Variants in SCFD2 observed in about 807,000 individuals in gnomAD.
SCFD2 encodes the protein sec1 family domain-containing protein 2.
SCFD2 carries 54 observed loss-of-function variants against 58.9 expected under a neutral mutation model. The ratio of observed to expected loss-of-function variants is 0.92; its 90% confidence interval spans 0.74 to 1.15. SCFD2 has a LOEUF of 1.15. SCFD2 is among the 50% of genes most tolerant of loss of function. The probability of loss-of-function intolerance (pLI) is 0.00; values close to 1 mark genes in which losing one functional copy is unlikely to be tolerated. For missense variants in SCFD2, 805 were observed against 836.6 expected, an observed-to-expected ratio of 0.96 and a Z score of 0.47; for synonymous variants, 321 against 335.9, an observed-to-expected ratio of 0.96 and a Z score of 0.49.
At chr4:52,994,330 T>C (rs1721691407) in intron 5 of SCFD2, among the ~76,000 whole-genome samples, 1 of 152,236 alleles carries the variant, frequency 6.6e-6, no homozygotes, top group Admixed American at 6.5e-5. Context: ...CCTGAAATTA[T>C]GAGCGGGGAA....
At chr4:53,329,774 G>A (rs983094527) in intron 2 of SCFD2, among the ~76,000 whole-genome samples, 9 of 151,542 alleles carry the variant, frequency 5.9e-5, no homozygotes, top group African/African-American at 2.2e-4. Context: ...AGAGAAGAAG[G>A]CTTCAGACGA....
rs779711098 is a variant in SCFD2, at chr4:53,145,493, G to T, written c.1401C>A (p.Ser467Arg). The change falls in exon 5 of 9, where the codon AGC becomes AGA. Residue 467 changes from serine to arginine, a missense_variant. Physicochemically the swap from Ser to Arg is moderately radical, Grantham distance 110 (BLOSUM62 -1). Coordinates refer to ENST00000401642, the MANE Select transcript of SCFD2 (RefSeq NM_152540.4). ...PVTQRTNEDY[S>R]PEELLILLIY... Reference sequence around the variant, plus strand: ...TGAGAAGGATCAGCAGTTCCTCAGGGCTGTAGTCCTCGTTGGTTCTCTGGG... The same window carrying T: ...TGAGAAGGATCAGCAGTTCCTCAGGTCTGTAGTCCTCGTTGGTTCTCTGGG... 2 of 1,614,078 alleles carry T rather than the reference G, an allele frequency of 1.2e-6. No homozygotes were observed. The highest frequency in any genetic ancestry group is 2.2e-5 in the South Asian group (2 of 91,066).
intron 4 of SCFD2, among the ~76,000 whole-genome samples, chr4:53,251,224 A>T (rs1730363461): frequency 6.6e-6 from 1 of 152,214 alleles, no homozygotes; most frequent in South Asian, 2.1e-4. Flanking sequence ...CAGGATCTGA[A>T]ATTGTGGCAA....
intron 5 of SCFD2, among the ~76,000 whole-genome samples, chr4:53,111,348 AG>A (rs888091886): frequency 6.6e-6 from 1 of 152,104 alleles, no homozygotes; most frequent in Non-Finnish European, 1.5e-5. Flanking sequence ...TAAAAAAAGA[AG>A]AATTAGAGTG....
intron 5 of SCFD2, among the ~76,000 whole-genome samples, chr4:52,976,587 T>C (rs1285359855): frequency 6.6e-6 from 1 of 152,030 alleles, no homozygotes; most frequent in Non-Finnish European, 1.5e-5. Flanking sequence ...TAGCCACAGG[T>C]AGGCTTGGTG....
intron 5 of SCFD2, among the ~76,000 whole-genome samples, chr4:53,009,858 G>C (rs1240607465): frequency 6.6e-6 from 1 of 152,140 alleles, no homozygotes; most frequent in Non-Finnish European, 1.5e-5. Context: ...ACACATTCCA[G>C]GTGGGAACAT....
chr4:53,005,730 A>T (rs975061717), intron 5 of SCFD2, among the ~76,000 whole-genome samples: 27 of 152,304 alleles, frequency 1.8e-4, no homozygotes, highest in African/African-American at 6.3e-4. Context: ...TATTACATTT[A>T]AAAAAAGGAT....
intron 5 of SCFD2, among the ~76,000 whole-genome samples, chr4:53,040,032 G>A (rs938712482): frequency 2.0e-5 from 3 of 152,186 alleles, no homozygotes; most frequent in Non-Finnish European, 4.4e-5. Flanking sequence ...ACGGCTGTTA[G>A]AGGGCAGTGG....
At chr4:53,147,656 C>T (rs924805360) in intron 4 of SCFD2, among the ~76,000 whole-genome samples, 1 of 152,208 alleles carries the variant, frequency 6.6e-6, no homozygotes, top group Non-Finnish European at 1.5e-5. Flanking sequence ...TAGGGCTGCC[C>T]TGTAGCTTCA....
intron 5 of SCFD2, among the ~76,000 whole-genome samples, chr4:53,060,157 G>A (rs1238918557): frequency 6.6e-6 from 1 of 152,094 alleles, no homozygotes; most frequent in Non-Finnish European, 1.5e-5. Context: ...AATGAATAAA[G>A]GAGAGTCAGG....
intron 5 of SCFD2, among the ~76,000 whole-genome samples, chr4:52,974,308 C>T (rs1374060140): frequency 2.0e-5 from 3 of 152,286 alleles, no homozygotes; most frequent in Admixed American, 1.3e-4. Context: ...AGCTGATAAG[C>T]AACTTCAGCA....
intron 2 of SCFD2, among the ~76,000 whole-genome samples, chr4:53,351,490 C>T (rs1734218709): frequency 6.6e-6 from 1 of 152,164 alleles, no homozygotes; most frequent in Non-Finnish European, 1.5e-5. Context: ...AATCATGACT[C>T]CCCAACAAAA....
chr4:53,181,358 A>T (rs1304190262), intron 4 of SCFD2, among the ~76,000 whole-genome samples: 2 of 152,194 alleles, frequency 1.3e-5, no homozygotes, highest in African/African-American at 2.4e-5. Flanking sequence ...AACATACACA[A>T]ATCAATAAAT....
intron 5 of SCFD2, among the ~76,000 whole-genome samples, chr4:52,939,745 A>G (rs894600705): frequency 6.6e-6 from 1 of 152,218 alleles, no homozygotes; most frequent in African/African-American, 2.4e-5. Flanking sequence ...TGAAAAAAAA[A>G]AAGCAGAGAA....
rs372197597 is a variant in SCFD2 at position 53,004,292 on chromosome 4, C to T, written c.1562-83422G>A. On this transcript the variant is annotated intron_variant, in intron 5 of 8. Coordinates refer to ENST00000401642, the MANE Select transcript of SCFD2 (RefSeq NM_152540.4). ...GAAGATTGGAGAGCATGGAAAGGAACGTAAATGTGGGCCACACGGAGGACA... is the reference window on the plus strand; with the variant it reads ...GAAGATTGGAGAGCATGGAAAGGAATGTAAATGTGGGCCACACGGAGGACA... Among the ~76,000 whole-genome samples the T allele has an allele frequency of 4.6e-5, 7 of 152,262 alleles. No homozygotes were observed. In the East Asian group the frequency reaches 5.8e-4, roughly 13 times the overall value.
At chr4:53,317,894 G>A (rs529570720) in intron 2 of SCFD2, among the ~76,000 whole-genome samples, 1 of 152,266 alleles carries the variant, frequency 6.6e-6, no homozygotes, top group Admixed American at 6.5e-5. Flanking sequence ...AACAAATCCT[G>A]ACACACAAGT....
chr4:52,998,163 T>C (rs531340217), intron 5 of SCFD2, among the ~76,000 whole-genome samples: 43 of 152,264 alleles, frequency 2.8e-4, no homozygotes, highest in African/African-American at 9.6e-4. Context: ...GCTGCAGTCA[T>C]TGGCAAGGCC....
chr4:52,942,965 A>C (rs931236550), intron 5 of SCFD2, among the ~76,000 whole-genome samples: 1 of 152,112 alleles, frequency 6.6e-6, no homozygotes, highest in Non-Finnish European at 1.5e-5. Flanking sequence ...AAAAGTCATT[A>C]AGCACAAGGG....
intron 4 of SCFD2, among the ~76,000 whole-genome samples, chr4:53,211,167 C>T (rs745992981): frequency 1.1e-4 from 17 of 151,280 alleles, no homozygotes; most frequent in Non-Finnish European, 1.6e-4. Context: ...CGTTTGAACC[C>T]GGGGGGCGGA....
Sources: allele counts gnomAD v4.1 joint callset (sites outside exome capture counted in the v4.1 genomes callset), GRCh38; gene constraint gnomAD v4.1.1; transcripts MANE v1.5; gene names NCBI Gene and HGNC (gene_info 2026-07-23, HGNC 2026-07-21).